The following TENM4 variants were observed in gnomAD, a reference collection of about 807,000 sequenced individuals.
The protein encoded by TENM4 is teneurin transmembrane protein 4.
Under a neutral mutation model 243.3 loss-of-function variants are expected in TENM4, and 82 were observed. That is an observed-to-expected ratio of 0.34 (90% CI 0.28 to 0.40). The LOEUF is 0.40. Among genes scored for constraint, TENM4 ranks in the 10% least tolerant of loss-of-function variants. The pLI is 1.00. For missense variants in TENM4, 3,138 were observed against 3,673.3 expected, an observed-to-expected ratio of 0.85 and a Z score of 3.77; for synonymous variants, 1,412 against 1,456.3, an observed-to-expected ratio of 0.97 and a Z score of 0.69.
intron 4 of TENM4, among the ~76,000 whole-genome samples, chr11:79,122,288 A>C (rs1034089240): frequency 2.0e-5 from 3 of 152,178 alleles, no homozygotes; most frequent in Non-Finnish European, 2.9e-5. Context: ...TTCTTTTATC[A>C]CTGGGAGATT....
intron 12 of TENM4, among the ~76,000 whole-genome samples, chr11:78,814,908 A>C (rs1857572432): frequency 6.6e-6 from 1 of 152,180 alleles, no homozygotes; most frequent in Non-Finnish European, 1.5e-5. Context: ...CACTGGAGCC[A>C]CTACACCAGC....
chr11:78,731,247 T>A (rs951836837), intron 21 of TENM4, among the ~76,000 whole-genome samples: 8 of 152,194 alleles, frequency 5.3e-5, no homozygotes, highest in African/African-American at 1.7e-4. Flanking sequence ...TCCAGCAAGC[T>A]CTGTCTCCAC....
chr11:79,278,483 T>C (rs942064172), intron 2 of TENM4, among the ~76,000 whole-genome samples: 4 of 152,152 alleles, frequency 2.6e-5, no homozygotes, highest in African/African-American at 9.7e-5. Context: ...GACCTGGGCC[T>C]GCTTGCGATG....
chr11:79,337,501 A>G (rs940398330), intron 1 of TENM4, among the ~76,000 whole-genome samples: 36 of 152,182 alleles, frequency 2.4e-4, no homozygotes, highest in Non-Finnish European at 4.7e-4. Flanking sequence ...GGAATTGAGG[A>G]GCAGAGACTG....
rs1010108495 is a variant in TENM4, at chr11:78,656,777, G to C, written c.*1281C>G. On this transcript the variant is annotated 3_prime_UTR_variant, in exon 34 of 34. Transcript: ENST00000278550. ...ACATTGGGTGGGCTTCTCTAGAGGG[G>C]AAGCTGTTTCAGAACTTCAGGAATT... is the stretch of plus-strand genomic sequence containing the variant. The C allele has an allele frequency of 4.0e-5, 15 of 373,082 alleles. No homozygotes were observed. Among genetic ancestry groups the C allele is most frequent in the Non-Finnish European group, 6.2e-5 (13 of 210,526 alleles). 23.1% of individuals were successfully genotyped at this position (373,082 alleles called of 1,614,324 possible).
intron 24 of TENM4, among the ~76,000 whole-genome samples, chr11:78,722,175 TA>T (rs1855400194): frequency 6.6e-6 from 1 of 152,172 alleles, no homozygotes; most frequent in Non-Finnish European, 1.5e-5. Context: ...CACACCCAGC[TA>T]ATTTTTTAAA....
At chr11:78,757,701 G>A (rs534878296) in intron 18 of TENM4, among the ~76,000 whole-genome samples, 1 of 152,366 alleles carries the variant, frequency 6.6e-6, no homozygotes, top group Admixed American at 6.5e-5. Context: ...TGACTGCCTG[G>A]CTTTGGGAGT....
At chr11:78,997,507 G>A (rs550093024) in intron 6 of TENM4, among the ~76,000 whole-genome samples, 33 of 152,300 alleles carry the variant, frequency 2.2e-4, no homozygotes, top group South Asian at 1.2e-3. Flanking sequence ...TATAATTCAG[G>A]AGCTACCCAC....
chr11:79,424,738 C>T (rs1859012845), intron 1 of TENM4, among the ~76,000 whole-genome samples: 2 of 152,070 alleles, frequency 1.3e-5, no homozygotes, highest in South Asian at 4.1e-4. Context: ...ATCGAGACCA[C>T]CCTGGTTAAC....
chr11:79,231,772 T>A (rs551605037), intron 2 of TENM4, among the ~76,000 whole-genome samples: 110 of 152,300 alleles, frequency 7.2e-4, no homozygotes, highest in African/African-American at 2.5e-3. Context: ...TGCAACTGAA[T>A]GTGAAAATGA....
intron 6 of TENM4, among the ~76,000 whole-genome samples, chr11:78,994,880 C>T (rs538796455): frequency 1.4e-4 from 21 of 152,282 alleles, no homozygotes; most frequent in African/African-American, 3.1e-4. Flanking sequence ...CACCATTCCC[C>T]GGATGCCTAT....
intron 4 of TENM4, among the ~76,000 whole-genome samples, chr11:79,086,605 G>A (rs1263159575): frequency 2.0e-5 from 3 of 152,040 alleles, no homozygotes; most frequent in Non-Finnish European, 2.9e-5. Flanking sequence ...AGGCTGAGGC[G>A]GGCAGATCAC....
At chr11:78,828,556 CT>C (rs1857908791) in intron 12 of TENM4, among the ~76,000 whole-genome samples, 1 of 152,210 alleles carries the variant, frequency 6.6e-6, no homozygotes, top group African/African-American at 2.4e-5. Context: ...GTATTTCTTT[CT>C]TATTTATCTA....
At chr11:79,164,815 G>A (rs1293165297) in intron 3 of TENM4, among the ~76,000 whole-genome samples, 1 of 151,766 alleles carries the variant, frequency 6.6e-6, no homozygotes, top group Admixed American at 6.6e-5. Context: ...CTGCCACCAG[G>A]TAAGAAGTGC....
At chr11:79,021,420 G>A (rs1680631632) in intron 6 of TENM4, among the ~76,000 whole-genome samples, 1 of 152,168 alleles carries the variant, frequency 6.6e-6, no homozygotes, top group Admixed American at 6.5e-5. Flanking sequence ...CTACTTATAG[G>A]CAAAGGAGTG....
chr11:79,066,721 A>C (rs1250567635), intron 5 of TENM4, among the ~76,000 whole-genome samples: 2 of 96,172 alleles, frequency 2.1e-5, no homozygotes, highest in East Asian at 4.8e-4. Context: ...TGCACACTCG[A>C]GCACACACGC....
chr11:79,119,548 C>G (rs972586253), intron 4 of TENM4, among the ~76,000 whole-genome samples: 6 of 152,166 alleles, frequency 3.9e-5, no homozygotes, highest in Non-Finnish European at 1.5e-5. Context: ...ATTTAGTATT[C>G]TAATCATCAA....
At chr11:78,993,382 G>A (rs1858092207) in intron 6 of TENM4, among the ~76,000 whole-genome samples, 1 of 152,104 alleles carries the variant, frequency 6.6e-6, no homozygotes, top group South Asian at 2.1e-4. Context: ...TTATTCCTGT[G>A]ACTTGTTGAG....
Position 78,854,170 on chromosome 11 carries a change from A to G in TENM4, c.1615T>C (p.Trp539Arg). The change falls in exon 12 of 34, where the codon TGG (tryptophan) becomes CGG (arginine). Residue 539 changes from tryptophan (W) to arginine (R), a missense_variant. This residue lies in a region of TENM4 where 2,467 missense variants were observed against 3,059.1 expected (regional missense o/e 0.81). Coordinates refer to ENST00000278550, the MANE Select transcript of TENM4 (RefSeq NM_001098816.3). ...GFIQYLDSGI[W>R]HLAFYNDGKE... is the part of the protein sequence containing the mutation. The stretch of plus-strand genomic sequence containing the variant: ...CCGTCATTGTAAAAAGCCAAGTGCC[A>G]GATTCCTGAATCCAAATACTGGATG... 3 of 1,551,736 alleles carry G rather than the reference A, an allele frequency of 1.9e-6. No homozygotes were observed. Among genetic ancestry groups the G allele is most frequent in the Non-Finnish European group, 2.6e-6 (3 of 1,146,986 alleles).
Sources: allele counts gnomAD v4.1 joint callset (sites outside exome capture counted in the v4.1 genomes callset), GRCh38; gene constraint gnomAD v4.1.1; regional missense constraint gnomAD v4.1.1; transcripts MANE v1.5; gene names NCBI Gene and HGNC (gene_info 2026-07-23, HGNC 2026-07-21).